The following CNTNAP2 variants were observed in gnomAD, a reference collection of about 807,000 sequenced individuals.
CNTNAP2 encodes contactin associated protein 2, also known as contactin-associated protein-like 2.
CNTNAP2 carries 98 observed loss-of-function variants against 155.2 expected under a neutral mutation model. The ratio of observed to expected loss-of-function variants is 0.63; its 90% CI spans 0.54 to 0.75. The LOEUF (loss-of-function observed/expected upper bound fraction) is 0.75. Ranked by LOEUF, CNTNAP2 falls within the 30% of genes least tolerant of loss-of-function variation. CNTNAP2 has a pLI of 0.00. For missense variants in CNTNAP2, 1,727 were observed against 1,688.1 expected (o/e 1.02, Z -0.40); for synonymous variants, 651 against 631.2 (o/e 1.03, Z -0.47).
chr7:147,300,215 G>A lies in CNTNAP2; in HGVS notation c.1423G>A (p.Asp475Asn), dbSNP rs1584856361. Residue 475 changes from aspartate to asparagine, a missense_variant, in exon 9 of 24, where the codon GAT becomes AAT. By Grantham distance (23) the Asp-to-Asn change is conservative (BLOSUM62 1). Coordinates refer to ENST00000361727, the MANE Select transcript of CNTNAP2 (RefSeq NM_014141.6). Reference protein sequence around the residue: ...AKENFAILTIDGDEASAVRTN... With the variant: ...AKENFAILTINGDEASAVRTN... Reference sequence around the variant, plus strand: ...GGAAAATTTTGCTATTCTCACCATCGATGGAGATGAAGCATCAGCAGTTCG... The same window carrying A: ...GGAAAATTTTGCTATTCTCACCATCAATGGAGATGAAGCATCAGCAGTTCG... 7 of 1,613,984 alleles carry A rather than the reference G, an allele frequency of 4.3e-6. No individual in the cohort carries two copies. The highest frequency in any genetic ancestry group is 1.1e-5 in the South Asian group (1 of 91,090).
chr7:147,877,668 A>T (rs1465729474), intron 13 of CNTNAP2, among the ~76,000 whole-genome samples: 1 of 152,172 alleles, frequency 6.6e-6, no homozygotes, highest in African/African-American at 2.4e-5. Context: ...TGAACACCTG[A>T]CAAAGGCTTT....
chr7:146,510,227 A>G (rs940694960), intron 1 of CNTNAP2, among the ~76,000 whole-genome samples: 16 of 152,220 alleles, frequency 1.1e-4, no homozygotes, highest in Non-Finnish European at 2.2e-4. Flanking sequence ...AAGGCCAGAT[A>G]TGAACTCAAA....
At chr7:147,999,873 G>A (rs1193129158) in intron 15 of CNTNAP2, among the ~76,000 whole-genome samples, 2 of 152,182 alleles carry the variant, frequency 1.3e-5, no homozygotes, top group African/African-American at 4.8e-5. Flanking sequence ...AGGCACGGGT[G>A]AACATTCTCC....
intron 21 of CNTNAP2, among the ~76,000 whole-genome samples, chr7:148,315,821 C>T (rs1053154462): frequency 4.6e-5 from 7 of 152,190 alleles, no homozygotes; most frequent in African/African-American, 1.7e-4. Context: ...TTGCCTACCA[C>T]TTGACCAAAT....
chr7:148,371,927 G>T (rs1409475001), intron 21 of CNTNAP2, among the ~76,000 whole-genome samples: 1 of 146,986 alleles, frequency 6.8e-6, no homozygotes, highest in African/African-American at 2.5e-5. Flanking sequence ...TTGGCTGGGC[G>T]TGGTGGCTCA....
intron 15 of CNTNAP2, 151 bp downstream of exon 15, chr7:147,978,140 G>T: frequency 1.8e-6 from 2 of 1,109,532 alleles, no homozygotes; most frequent in Middle Eastern, 2.8e-4. Context: ...TTAGAGGAGG[G>T]GAACAGCCAT....
intron 8 of CNTNAP2, among the ~76,000 whole-genome samples, chr7:147,140,496 C>T (rs917558049): frequency 3.3e-5 from 5 of 152,008 alleles, no homozygotes; most frequent in African/African-American, 1.2e-4. Context: ...ATTGCTTACC[C>T]TTTTGGGCAT....
intron 14 of CNTNAP2, among the ~76,000 whole-genome samples, chr7:147,912,120 A>G (rs1236900728): frequency 1.3e-5 from 2 of 152,210 alleles, no homozygotes; most frequent in African/African-American, 4.8e-5. Flanking sequence ...AAAAGCTGTC[A>G]ATGACTGTTT....
At chr7:148,365,098 C>T (rs1409983046) in intron 21 of CNTNAP2, among the ~76,000 whole-genome samples, 1 of 152,176 alleles carries the variant, frequency 6.6e-6, no homozygotes, top group Non-Finnish European at 1.5e-5. Context: ...ACCAAGAACC[C>T]ACCAGTTCCG....
Position 147,871,588 on chromosome 7 carries a change from A to T in CNTNAP2, c.2099-31977A>T, listed in dbSNP as rs934204869. 4.6e-5 allele frequency among the ~76,000 whole-genome samples: 7 copies of T among 151,668 alleles called. No homozygotes were observed. The South Asian group carries it at 1.0e-3, about 23-fold the overall frequency. ...CTACAGCCATTACAACCGGCTTGGC[A>T]CGTCCACAGGGGCTGCTGCCCACTG... On this transcript the variant is annotated intron_variant, in intron 13 of 23. Coordinates refer to ENST00000361727, the MANE Select transcript of CNTNAP2 (RefSeq NM_014141.6).
chr7:147,500,794 A>G (rs1256399840), intron 11 of CNTNAP2, among the ~76,000 whole-genome samples: 3 of 152,164 alleles, frequency 2.0e-5, no homozygotes, highest in Non-Finnish European at 4.4e-5. Flanking sequence ...CTTTATTTTC[A>G]TTTGGTAATG....
chr7:148,262,016 G>A (rs1287049182), intron 20 of CNTNAP2, among the ~76,000 whole-genome samples: 3 of 152,154 alleles, frequency 2.0e-5, no homozygotes, highest in African/African-American at 4.8e-5. Flanking sequence ...ATATTGAAGG[G>A]TGCATTGGGA....
At chr7:147,313,744 G>A (rs921222753) in intron 9 of CNTNAP2, among the ~76,000 whole-genome samples, 101 of 152,056 alleles carry the variant, frequency 6.6e-4, no homozygotes, top group African/African-American at 1.0e-3. Context: ...TTGGCGATGC[G>A]GGCTCTTTTT....
rs1177633853 is a variant in CNTNAP2, at chr7:146,773,213, GA to G, written c.98-1049del. Among the ~76,000 whole-genome samples the G allele has an allele frequency of 3.3e-5, 5 of 151,402 alleles. No homozygotes were observed. The East Asian group carries it at 5.8e-4, about 18-fold the overall frequency. ...AGCAAGCAGCTAATGAGAAAAAAGA[GA>G]AAAAAAAATCTTAATGACATTATAA... On this transcript the variant is annotated intron_variant, in intron 1 of 23. Coordinates refer to ENST00000361727, the MANE Select transcript of CNTNAP2 (RefSeq NM_014141.6).
chr7:148,157,185 A>T (rs1017361897), intron 17 of CNTNAP2, among the ~76,000 whole-genome samples: 1 of 152,180 alleles, frequency 6.6e-6, no homozygotes, highest in Non-Finnish European at 1.5e-5. Flanking sequence ...CAAGTAACCA[A>T]TGGGAAACCT....
intron 8 of CNTNAP2, among the ~76,000 whole-genome samples, chr7:147,252,083 TTA>T (rs1236708028): frequency 6.6e-6 from 1 of 152,160 alleles, no homozygotes; most frequent in Non-Finnish European, 1.5e-5. Context: ...TAAGCCCACA[TTA>T]TGTTTTATTT....
chr7:146,538,524 A>G (rs1254142481), intron 1 of CNTNAP2, among the ~76,000 whole-genome samples: 2 of 152,144 alleles, frequency 1.3e-5, no homozygotes, highest in South Asian at 2.1e-4. Flanking sequence ...GAGTTAAGGC[A>G]TAAGTCACAC....
rs73164097 is a variant in CNTNAP2, at chr7:146,578,445, A to G, written c.98-195826A>G. The stretch of plus-strand genomic sequence containing the variant: ...CTCAGCTCCAGAAAAACACAACCTT[A>G]ACTAACATACATAAGAATATTATAT... On this transcript the variant is annotated intron_variant, in intron 1 of 23. Coordinates refer to ENST00000361727, the MANE Select transcript of CNTNAP2 (RefSeq NM_014141.6). Among the ~76,000 whole-genome samples the G allele has an allele frequency of 4.5e-3, 690 of 152,306 alleles. 4 individuals are homozygous for G. The highest frequency in any genetic ancestry group is 8.0e-3 in the Non-Finnish European group (542 of 67,992).
chr7:146,459,646 C>A (rs1042811378), intron 1 of CNTNAP2, among the ~76,000 whole-genome samples: 1 of 152,054 alleles, frequency 6.6e-6, no homozygotes, highest in Admixed American at 6.6e-5. Flanking sequence ...GAAGGACGCA[C>A]AAAAAGCCAC....
Sources: allele counts gnomAD v4.1 joint callset (sites outside exome capture counted in the v4.1 genomes callset), GRCh38; gene constraint gnomAD v4.1.1; transcripts MANE v1.5; gene names NCBI Gene and HGNC (gene_info 2026-07-23, HGNC 2026-07-21).